Variants in STK11 observed in about 807,000 individuals in gnomAD.
STK11 encodes the protein serine/threonine-protein kinase STK11.
STK11 carries 8 observed loss-of-function variants against 47.3 expected under a neutral mutation model. That is an observed-to-expected ratio of 0.17 (90% CI 0.10 to 0.31). STK11 has a LOEUF of 0.31. STK11 is among the 10% of genes least tolerant of loss of function. The pLI is 1.00. For synonymous variants in STK11, 330 were observed against 255.8 expected, an observed-to-expected ratio of 1.29 and a Z score of -2.77; for missense variants, 475 against 605.0, an observed-to-expected ratio of 0.79 and a Z score of 2.25.
chr19:1,208,418 C>T (rs1232470977), intron 1 of STK11, among the ~76,000 whole-genome samples: 2 of 150,590 alleles, frequency 1.3e-5, no homozygotes, highest in African/African-American at 4.9e-5. Context: ...TGCCATTCTC[C>T]TGCCTCAGCC....
chr19:1,217,891 A>G (rs1444479095), intron 1 of STK11, among the ~76,000 whole-genome samples: 1 of 152,160 alleles, frequency 6.6e-6, no homozygotes, highest in African/African-American at 2.4e-5. Context: ...AGCTCAATTA[A>G]GAGTGTCCTT....
intron 8 of STK11, chr19:1,225,110 C>T (rs2080811767): frequency 1.0e-6 from 1 of 985,788 alleles, no homozygotes; most frequent in Non-Finnish European, 1.2e-6. Flanking sequence ...TCCTGGGCAC[C>T]AGTGCAGACA....
rs763353991 is a variant in STK11 at position 1,219,412 on chromosome 19, G to T, written c.463G>T (p.Gly155Trp). Residue 155 changes from glycine (G) to tryptophan (W), a missense_variant and splice_region_variant, in exon 3 of 10, where the codon GGG (glycine) becomes TGG (tryptophan). Physicochemically the swap from Gly to Trp is radical, Grantham distance 184. This residue lies in a region of STK11 where 130 missense variants were observed against 239.7 expected (regional missense o/e 0.54). Coordinates refer to ENST00000326873, the MANE Select transcript of STK11 (RefSeq NM_000455.5). ...GCGTTTCCCAGTGTGCCAGGCCCAC[G>T]GGTGCGTGCGCGGGGCAGGGGCCAG... ...EKRFPVCQAH[G>W]YFCQLIDGLE... The T allele has an allele frequency of 2.5e-6, 4 of 1,581,448 alleles. No individual in the cohort carries two copies. In the South Asian group the frequency reaches 3.5e-5, roughly 14 times the overall value.
In STK11 at chr19:1,228,057, TTC is replaced by T. The variant is rs545375742; in HGVS notation, c.*483_*484del. On this transcript the variant is annotated 3_prime_UTR_variant, in exon 10 of 10. Transcript: ENST00000326873. ...GTTTGGTTGGTTCCATTTTCTTTTT[TTC>T]TTTTTTTTTTTAAGAAAAAATAAAA... 4.8e-4 allele frequency: 511 copies of T among 1,065,364 alleles called. No homozygotes were observed. Among genetic ancestry groups the T allele is most frequent in the Middle Eastern group, 2.5e-3 (6 of 2,398 alleles). The allele number at this position is 1,065,364 out of a possible 1,614,324, so 66.0% of individuals were successfully genotyped here.
rs373167735 is a variant in STK11 at position 1,219,417 on chromosome 19, C to T, written c.464+4C>T. 2.9e-5 allele frequency: 30 copies of T among 1,025,854 alleles called. No homozygotes were observed. The highest frequency in any genetic ancestry group is 2.4e-4 in the Middle Eastern group (1 of 4,112). The allele number at this position is 1,025,854 out of a possible 1,614,324, so 63.5% of individuals were successfully genotyped here. Reference sequence around the variant, plus strand: ...TCCCAGTGTGCCAGGCCCACGGGTGCGTGCGCGGGGCAGGGGCCAGGGTGG... The same window carrying T: ...TCCCAGTGTGCCAGGCCCACGGGTGTGTGCGCGGGGCAGGGGCCAGGGTGG... On this transcript the variant is annotated splice_donor_region_variant and intron_variant, in intron 3 of 9. Transcript: ENST00000326873.
At chr19:1,213,163 A>AT (rs2080723418) in intron 1 of STK11, among the ~76,000 whole-genome samples, 1 of 147,708 alleles carries the variant, frequency 6.8e-6, no homozygotes, top group Non-Finnish European at 1.5e-5. Flanking sequence ...TGCCCGGCTA[A>AT]TTTTTTTGTA....
At chr19:1,222,587 G>A (rs897579202) in intron 7 of STK11, among the ~76,000 whole-genome samples, 3 of 152,178 alleles carry the variant, frequency 2.0e-5, no homozygotes, top group African/African-American at 7.2e-5. Flanking sequence ...ATTGTGCCTT[G>A]GGGGTCTCTG....
intron 1 of STK11, among the ~76,000 whole-genome samples, chr19:1,207,830 C>G (rs927281227): frequency 2.0e-4 from 30 of 152,362 alleles, no homozygotes; most frequent in African/African-American, 6.7e-4. Flanking sequence ...GCCTCCCTCC[C>G]GAATTGCATC....
chr19:1,206,797 CTT>C lies in STK11; in HGVS notation c.-108_-107del. On this transcript the variant is annotated 5_prime_UTR_variant, in exon 1 of 10. Coordinates refer to ENST00000326873, the MANE Select transcript of STK11 (RefSeq NM_000455.5). ...CCCTTCCTTTTGGGGTTTTTGTTGC[CTT>C]TTTTTTTTCTTTTTTCTTTGTAAAA... 5 of 1,183,168 alleles carry C rather than the reference CTT, an allele frequency of 4.2e-6. No individual in the cohort carries two copies. The highest frequency in any genetic ancestry group is 5.6e-6 in the Non-Finnish European group (5 of 885,322). 73.3% of individuals were successfully genotyped at this position (1,183,168 alleles called of 1,614,324 possible).
rs587782493 is a variant in STK11 at position 1,226,505 on chromosome 19, C to A, written c.1160C>A (p.Pro387His). Residue 387 changes from proline to histidine, a missense_variant, in exon 9 of 10, where the codon CCC (proline) becomes CAC (histidine). This residue lies in a region of STK11 where 219 missense variants were observed against 189.2 expected (regional missense o/e 1.16). Coordinates refer to ENST00000326873, the MANE Select transcript of STK11 (RefSeq NM_000455.5). Reference protein sequence around the residue: ...ASHNGQRRGLPKAVCMNGTEA... With the variant: ...ASHNGQRRGLHKAVCMNGTEA... ...CACAATGGACAGCGCCGGGGCCTCC[C>A]CAAGGCCGTGTGTATGAACGGCACA... 6.2e-7 allele frequency: 1 copy of A among 1,610,876 alleles called. No individual in the cohort carries two copies.
In STK11 at chr19:1,207,293, C is replaced by T. The variant is rs1311959121; in HGVS notation, c.290+90C>T. 5.4e-6 allele frequency: 8 copies of T among 1,470,898 alleles called. No homozygotes were observed. The East Asian group carries it at 1.5e-4, about 27-fold the overall frequency. 91.1% of individuals were successfully genotyped at this position (1,470,898 alleles called of 1,614,324 possible). On this transcript the variant is annotated intron_variant, in intron 1 of 9. Coordinates refer to ENST00000326873, the MANE Select transcript of STK11 (RefSeq NM_000455.5). ...CCTTCCTTCTCTCCTCCCTCCCTCCCTTACTTCCTCTTAACACCCTGAGCT... is the reference window on the plus strand; with the variant it reads ...CCTTCCTTCTCTCCTCCCTCCCTCCTTTACTTCCTCTTAACACCCTGAGCT...
intron 1 of STK11, among the ~76,000 whole-genome samples, chr19:1,213,089 C>T (rs944141245): frequency 6.0e-5 from 9 of 150,468 alleles, no homozygotes; most frequent in African/African-American, 1.7e-4. Context: ...CTCTGCCTCC[C>T]GGGTTCACAC....
intron 1 of STK11, among the ~76,000 whole-genome samples, chr19:1,213,339 C>T (rs2080724553): frequency 6.6e-6 from 1 of 152,166 alleles, no homozygotes; most frequent in African/African-American, 2.4e-5. Context: ...GCATATAGTA[C>T]ATTGACAGAG....
intron 1 of STK11, among the ~76,000 whole-genome samples, chr19:1,216,579 CAA>C (rs968721946): frequency 6.0e-5 from 7 of 117,350 alleles, no homozygotes; most frequent in Admixed American, 1.7e-4. Context: ...ACTCCGTCTC[CAA>C]AAAAAAAAAA....
rs966551306 is a variant in STK11 at position 1,228,378 on chromosome 19, C to G, written c.*802C>G. On this transcript the variant is annotated 3_prime_UTR_variant, in exon 10 of 10. Coordinates refer to ENST00000326873, the MANE Select transcript of STK11 (RefSeq NM_000455.5). Reference sequence around the variant, plus strand: ...GACGCGGCGGGGACTCGGAGGGTGCCGTGCGGGCGAGGCCGCCCAAATTTG... The same window carrying G: ...GACGCGGCGGGGACTCGGAGGGTGCGGTGCGGGCGAGGCCGCCCAAATTTG... 1.7e-5 allele frequency: 4 copies of G among 233,762 alleles called. No homozygotes were observed. Among genetic ancestry groups the G allele is most frequent in the Non-Finnish European group, 2.5e-5 (3 of 119,418 alleles). The allele number at this position is 233,762 out of a possible 1,614,324, so 14.5% of individuals were successfully genotyped here.
chr19:1,225,636 C>T (rs1309047292), intron 8 of STK11: 2 of 985,554 alleles, frequency 2.0e-6, no homozygotes, highest in South Asian at 4.7e-5. Flanking sequence ...GTTCTGGAAG[C>T]TGCTGAGTCA....
chr19:1,211,647 C>T (rs1160712036), intron 1 of STK11, among the ~76,000 whole-genome samples: 1 of 152,214 alleles, frequency 6.6e-6, no homozygotes, highest in African/African-American at 2.4e-5. Context: ...CCACCTGTTG[C>T]AAAACACTGT....
chr19:1,221,526 T>G (rs1277645457), intron 6 of STK11, 186 bp downstream of exon 6: 1 of 928,808 alleles, frequency 1.1e-6, no homozygotes, highest in African/African-American at 1.7e-5. Flanking sequence ...CCACCCTGCT[T>G]CTGGGCCCTG....
rs1238710352 is a variant in STK11 at position 1,227,624 on chromosome 19, G to A, written c.*48G>A. 16 of 1,066,498 alleles carry A rather than the reference G, an allele frequency of 1.5e-5. No individual in the cohort carries two copies. The highest frequency in any genetic ancestry group is 1.8e-5 in the Non-Finnish European group (16 of 880,168). The allele number at this position is 1,066,498 out of a possible 1,614,324, so 66.1% of individuals were successfully genotyped here. A position where few individuals can be genotyped will look rare whatever the true frequency, so the allele number is the denominator to read the frequency against. ...TCCAGGAGCCCCGCCAGGTGCCCGC[G>A]CCAGGCCCTCAGTCTTCCTGCCGGT... On this transcript the variant is annotated 3_prime_UTR_variant, in exon 10 of 10. Coordinates refer to ENST00000326873, the MANE Select transcript of STK11 (RefSeq NM_000455.5).
Sources: gnomAD v4.1 joint callset for allele counts (sites outside exome capture counted in the v4.1 genomes callset) on GRCh38, gnomAD v4.1.1 for gene constraint, gnomAD v4.1.1 regional missense constraint, MANE v1.5 for transcripts, NCBI Gene and HGNC (gene_info 2026-07-23, HGNC 2026-07-21) for gene names.